The following WWC2 variants were observed in gnomAD, a reference collection of about 807,000 sequenced individuals.
WWC2 encodes the protein WW and C2 domain containing 2, also known as protein WWC2.
Under a neutral mutation model 138.5 loss-of-function variants are expected in WWC2, and 101 were observed. The ratio of observed to expected loss-of-function variants is 0.73; its 90% CI spans 0.62 to 0.86. The LOEUF is 0.86. Among genes scored for constraint, WWC2 ranks in the 40% least tolerant of loss-of-function variants. The pLI is 0.00. For synonymous variants in WWC2, 558 were observed against 538.4 expected (o/e 1.04, Z -0.50); for missense variants, 1,420 against 1,419.4 (o/e 1.00, Z -0.01).
At position 183,227,277 on chromosome 4, in the gene WWC2, A is replaced by G. The variant is rs1580079290; in HGVS notation, c.523-12906A>G. Among the ~76,000 whole-genome samples the G allele has an allele frequency of 1.3e-5, 2 of 152,118 alleles. 1 individual carries two copies. Among genetic ancestry groups the G allele is most frequent in the African/African-American group, 4.8e-5 (2 of 41,352 alleles). The stretch of plus-strand genomic sequence containing the variant: ...TACCTGGATGGTCTGAAAAAGCCCA[A>G]GCTAAACACTTAGCTGTGACAGTTG... On this transcript the variant is annotated intron_variant, in intron 4 of 22. Coordinates refer to ENST00000403733, the MANE Select transcript of WWC2 (RefSeq NM_024949.6).
At chr4:183,290,889 C>T (rs997298204) in intron 21 of WWC2, among the ~76,000 whole-genome samples, 5 of 152,158 alleles carry the variant, frequency 3.3e-5, no homozygotes, top group South Asian at 2.1e-4. Context: ...AAGTGTGAAT[C>T]GTCCAGCTGA....
intron 17 of WWC2, 23 bp from the exon 18 acceptor site, chr4:183,282,685 G>A (rs1341174658): frequency 6.4e-7 from 1 of 1,554,900 alleles, no homozygotes; most frequent in Non-Finnish European, 8.7e-7. Flanking sequence ...TACCAAAAGT[G>A]TTTTGTTTTT....
chr4:183,177,705 A>T (rs781290893), intron 1 of WWC2, among the ~76,000 whole-genome samples: 1 of 152,014 alleles, frequency 6.6e-6, no homozygotes, highest in African/African-American at 2.4e-5. Flanking sequence ...TATTTTTTGG[A>T]TGTCTATAAA....
intron 4 of WWC2, among the ~76,000 whole-genome samples, chr4:183,239,830 C>T (rs1439154213): frequency 6.6e-6 from 1 of 152,128 alleles, no homozygotes; most frequent in Admixed American, 6.5e-5. Context: ...TGGGCAGTGG[C>T]CCTTGGCACA....
chr4:183,135,312 G>GT (rs1368817674), intron 1 of WWC2, among the ~76,000 whole-genome samples: 1 of 151,480 alleles, frequency 6.6e-6, no homozygotes, highest in Non-Finnish European at 1.5e-5. Flanking sequence ...TGTACTTTTT[G>GT]TTTCCCCTGC....
At chr4:183,275,093 C>T (rs1475360699) in intron 16 of WWC2, among the ~76,000 whole-genome samples, 1 of 152,144 alleles carries the variant, frequency 6.6e-6, no homozygotes, top group Non-Finnish European at 1.5e-5. Flanking sequence ...TCCCTACTCT[C>T]TCCAGCCACT....
At chr4:183,166,177 C>A (rs1391954220) in intron 1 of WWC2, among the ~76,000 whole-genome samples, 1 of 152,094 alleles carries the variant, frequency 6.6e-6, no homozygotes, top group Non-Finnish European at 1.5e-5. Context: ...TTTATCTGTA[C>A]TAGTGGCTAA....
chr4:183,183,488 A>C (rs553371184), intron 1 of WWC2, among the ~76,000 whole-genome samples: 3 of 152,300 alleles, frequency 2.0e-5, no homozygotes, highest in African/African-American at 7.2e-5. Context: ...CATCACTAAG[A>C]CAAAGCAAAA....
intron 1 of WWC2, among the ~76,000 whole-genome samples, chr4:183,142,138 G>A (rs1733318714): frequency 6.6e-6 from 1 of 152,196 alleles, no homozygotes; most frequent in Non-Finnish European, 1.5e-5. Context: ...AACATTTTCT[G>A]GACAGAGGGA....
At chr4:183,247,422 GT>G (rs1384575416) in intron 6 of WWC2, among the ~76,000 whole-genome samples, 1 of 148,654 alleles carries the variant, frequency 6.7e-6, no homozygotes, top group African/African-American at 2.5e-5. Flanking sequence ...TCACTAAAAG[GT>G]TTTTTTGTTC....
chr4:183,245,364 C>T, intron 5 of WWC2, 52 bp from the exon 6 acceptor site: 1 of 1,401,030 alleles, frequency 7.1e-7, no homozygotes. Flanking sequence ...CTCTGTTTAA[C>T]TTATATGCTA....
At chr4:183,259,859 G>A (rs17074537) in intron 10 of WWC2, 131 bp downstream of exon 10, 260,180 of 699,980 alleles carry the variant, frequency 0.37, 48,944 homozygotes, top group South Asian at 0.47. Flanking sequence ...TACTGTTTGA[G>A]TGATCAGATT....
intron 1 of WWC2, among the ~76,000 whole-genome samples, chr4:183,109,781 G>A (rs550895478): frequency 2.6e-5 from 4 of 152,280 alleles, no homozygotes; most frequent in South Asian, 4.2e-4. Flanking sequence ...TGGACTCTAG[G>A]TACTGTGTGG....
At chr4:183,311,169 TAATGA>T (rs764980664) in intron 21 of WWC2, among the ~76,000 whole-genome samples, 20 of 152,174 alleles carry the variant, frequency 1.3e-4, no homozygotes, top group Non-Finnish European at 2.1e-4. Context: ...ATGAGTGAAA[TAATGA>T]AATGAAAAGA....
In WWC2 at chr4:183,266,351, C is replaced by T. The variant is rs76143340; in HGVS notation, c.2207+400C>T. 4.2e-3 allele frequency among the ~76,000 whole-genome samples: 632 copies of T among 152,230 alleles called. 3 individuals carry two copies. The highest frequency in any genetic ancestry group is 0.015 in the African/African-American group (606 of 41,530). ...ATTTTATGTATCTGTACAACATTGC[C>T]AGTCAAACATTTTATCATGCTACAT... On this transcript the variant is annotated intron_variant, in intron 14 of 22. Coordinates refer to ENST00000403733, the MANE Select transcript of WWC2 (RefSeq NM_024949.6).
intron 21 of WWC2, among the ~76,000 whole-genome samples, chr4:183,296,696 G>A (rs1367933298): frequency 6.6e-6 from 1 of 151,930 alleles, no homozygotes; most frequent in Non-Finnish European, 1.5e-5. Context: ...CACTTTGCGA[G>A]GCCAAGGCGG....
At chr4:183,156,027 C>CT in intron 1 of WWC2, among the ~76,000 whole-genome samples, 1 of 150,238 alleles carries the variant, frequency 6.7e-6, no homozygotes, top group African/African-American at 2.4e-5. Context: ...TCTTTCTTTC[C>CT]TTTTTTTTTT....
chr4:183,314,341 G>A (rs1339728496), intron 22 of WWC2, among the ~76,000 whole-genome samples: 1 of 152,228 alleles, frequency 6.6e-6, no homozygotes, highest in Non-Finnish European at 1.5e-5. Flanking sequence ...CACACAACTC[G>A]CAGTTGTTGC....
rs1398872514 is a variant in WWC2, at chr4:183,287,797, A to C, written c.3142-1596A>C. 2.6e-5 allele frequency among the ~76,000 whole-genome samples: 4 copies of C among 152,192 alleles called. No homozygotes were observed. The East Asian group carries it at 7.7e-4, about 29-fold the overall frequency. Reference sequence around the variant, plus strand: ...GGCAGAGGTGTGCTGCACCCTCCTCACGCTGGCTCACAAGAGCCAATTGTG... The same window carrying C: ...GGCAGAGGTGTGCTGCACCCTCCTCCCGCTGGCTCACAAGAGCCAATTGTG... On this transcript the variant is annotated intron_variant, in intron 20 of 22. Coordinates refer to ENST00000403733, the MANE Select transcript of WWC2 (RefSeq NM_024949.6).
Sources: allele counts gnomAD v4.1 joint callset (sites outside exome capture counted in the v4.1 genomes callset), GRCh38; gene constraint gnomAD v4.1.1; transcripts MANE v1.5; gene names NCBI Gene and HGNC (gene_info 2026-07-23, HGNC 2026-07-21).